TNRC6B: variants seen among roughly 807,000 people sequenced by gnomAD.
TNRC6B encodes the protein trinucleotide repeat containing adaptor 6B.
TNRC6B carries 52 observed loss-of-function variants against 203.6 expected under a neutral mutation model. The ratio of observed to expected loss-of-function variants is 0.26; its 90% CI spans 0.20 to 0.32. The LOEUF (loss-of-function observed/expected upper bound fraction) is 0.32. Among genes scored for constraint, TNRC6B ranks in the 10% least tolerant of loss-of-function variants. The pLI is 1.00. For synonymous variants in TNRC6B, 838 were observed against 845.7 expected (o/e 0.99, Z 0.16); for missense variants, 1,923 against 2,286.2 (o/e 0.84, Z 3.24).
intron 3 of TNRC6B, among the ~76,000 whole-genome samples, chr22:40,137,483 A>G (rs1052111678): frequency 2.6e-5 from 4 of 152,204 alleles, no homozygotes; most frequent in Non-Finnish European, 4.4e-5. Flanking sequence ...ATAGACTTCT[A>G]TAGGTACAGA....
intron 1 of TNRC6B, among the ~76,000 whole-genome samples, chr22:40,221,264 C>G (rs1189612986): frequency 6.6e-6 from 1 of 152,036 alleles, no homozygotes; most frequent in Non-Finnish European, 1.5e-5. Context: ...TAGTACGTAC[C>G]TGGGTTCCTA....
chr22:40,272,230 C>G (rs557377457), intron 6 of TNRC6B, among the ~76,000 whole-genome samples: 1 of 152,314 alleles, frequency 6.6e-6, no homozygotes, highest in African/African-American at 2.4e-5. Flanking sequence ...AACCCTCCCC[C>G]TTGTGCACAG....
intron 1 of TNRC6B, among the ~76,000 whole-genome samples, chr22:40,115,469 T>C (rs981489340): frequency 6.6e-6 from 1 of 152,164 alleles, no homozygotes; most frequent in Non-Finnish European, 1.5e-5. Context: ...TTTTTACCAA[T>C]GCATTTAATT....
At position 40,053,634 on chromosome 22, in the gene TNRC6B, T is replaced by A. The variant is rs528414256; in HGVS notation, c.-121+8636T>A. On this transcript the variant is annotated intron_variant, in intron 1 of 23. Transcript: ENST00000301923. The stretch of plus-strand genomic sequence containing the variant: ...TCTCTCCTGCTGGATTGCAAATTTC[T>A]TAAGTGAGACTATTGTAGTCATCTT... Among the ~76,000 whole-genome samples the A allele has an allele frequency of 7.9e-5, 12 of 152,364 alleles. No individual in the cohort carries two copies. The South Asian group carries it at 2.3e-3, about 29-fold the overall frequency.
intron 1 of TNRC6B, among the ~76,000 whole-genome samples, chr22:40,102,519 T>C (rs2068248728): frequency 6.6e-6 from 1 of 152,256 alleles, no homozygotes; most frequent in Admixed American, 6.5e-5. Flanking sequence ...ATTTTAAATA[T>C]GTGAGAATCA....
rs1019542551 is a variant in TNRC6B, at chr22:40,332,191, T to A, written c.*8950T>A. The A allele has an allele frequency of 2.6e-5, 4 of 152,628 alleles. No individual in the cohort carries two copies. Among genetic ancestry groups the A allele is most frequent in the African/African-American group, 9.6e-5 (4 of 41,452 alleles). The allele number at this position is 152,628 out of a possible 1,614,324, so 9.5% of individuals were successfully genotyped here. On this transcript the variant is annotated 3_prime_UTR_variant, in exon 23 of 23. Coordinates refer to ENST00000454349, the MANE Select transcript of TNRC6B (RefSeq NM_001162501.2). ...TCCTCTCTCCTTTTTAATATTTCTT[T>A]CTTCCTTTTTAATCATGTTTAAGTG...
chr22:40,067,260 C>T (rs748410410), intron 1 of TNRC6B, among the ~76,000 whole-genome samples: 1 of 152,028 alleles, frequency 6.6e-6, no homozygotes, highest in Non-Finnish European at 1.5e-5. Flanking sequence ...ATAATGCCTT[C>T]GTAAGTTTAA....
chr22:40,065,680 T>C (rs2067889342), intron 1 of TNRC6B, among the ~76,000 whole-genome samples: 1 of 152,162 alleles, frequency 6.6e-6, no homozygotes, highest in Non-Finnish European at 1.5e-5. Flanking sequence ...CTGTAAATAT[T>C]ATTGAGCTTT....
At chr22:40,094,172 A>C (rs145067207) in intron 1 of TNRC6B, among the ~76,000 whole-genome samples, 157 of 152,288 alleles carry the variant, frequency 1.0e-3, no homozygotes, top group African/African-American at 3.6e-3. Context: ...TAAGCAGATG[A>C]ATTATATGTA....
rs1037342469 is a variant in TNRC6B, at chr22:40,324,929, C to T, written c.*1688C>T. 4.6e-5 allele frequency: 7 copies of T among 151,654 alleles called. No individual in the cohort carries two copies. The highest frequency in any genetic ancestry group is 1.7e-4 in the African/African-American group (7 of 41,052). 9.4% of individuals were successfully genotyped at this position (151,654 alleles called of 1,614,324 possible). ...CGAACAGGGGTCAACGTTTAATCTA[C>T]AGTTATCACCAACATGTATGTACTT... On this transcript the variant is annotated 3_prime_UTR_variant, in exon 23 of 23. Transcript: ENST00000454349.
At chr22:40,197,316 G>A (rs62236842) in intron 1 of TNRC6B, among the ~76,000 whole-genome samples, 17,005 of 151,808 alleles carry the variant, frequency 0.11, 1,176 homozygotes, top group South Asian at 0.15. Flanking sequence ...GTCTCACACT[G>A]TTGCCCCTCG....
rs994595557 is a variant in TNRC6B, at chr22:40,197,775, T to TA, written c.5+19643dup. 7.9e-5 allele frequency among the ~76,000 whole-genome samples: 12 copies of TA among 151,296 alleles called. No individual in the cohort carries two copies. The South Asian group carries it at 1.0e-3, about 13-fold the overall frequency. On this transcript the variant is annotated intron_variant, in intron 1 of 22. Coordinates refer to ENST00000454349, the MANE Select transcript of TNRC6B (RefSeq NM_001162501.2). The stretch of plus-strand genomic sequence containing the variant: ...GCATGAGCCACCGTGCCTGGCTAAT[T>TA]AAAAAAAACTTCTTTTAACAGAGAC...
chr22:40,232,314 GGATAAT>G (rs1414507552), intron 1 of TNRC6B, among the ~76,000 whole-genome samples: 1 of 152,184 alleles, frequency 6.6e-6, no homozygotes, highest in Non-Finnish European at 1.5e-5. Flanking sequence ...CATGTTTAAG[GGATAAT>G]GATCCCAGTG....
intron 1 of TNRC6B, among the ~76,000 whole-genome samples, chr22:40,237,545 C>T (rs2069964273): frequency 6.6e-6 from 1 of 151,986 alleles, no homozygotes; most frequent in Admixed American, 6.6e-5. Flanking sequence ...GGGTGACTAC[C>T]AAGTAAGCCA....
intron 1 of TNRC6B, chr22:40,106,565 A>G (rs755203669): frequency 3.0e-5 from 22 of 729,818 alleles, no homozygotes; most frequent in Middle Eastern, 3.0e-4. Context: ...TGTCAAAGCA[A>G]TTCGCTTCTT....
chr22:40,146,452 A>G (rs1042930377), intron 3 of TNRC6B, among the ~76,000 whole-genome samples: 14 of 151,848 alleles, frequency 9.2e-5, no homozygotes, highest in Non-Finnish European at 1.9e-4. Flanking sequence ...CTGGAGACCA[A>G]TGGCATGATT....
chr22:40,051,066 A>G (rs559456241), intron 1 of TNRC6B, among the ~76,000 whole-genome samples: 26 of 151,898 alleles, frequency 1.7e-4, no homozygotes, highest in Non-Finnish European at 3.7e-4. Flanking sequence ...CTTGTGATCC[A>G]CCTGCCTCAG....
chr22:40,180,891 A>AC (rs146193685), intron 1 of TNRC6B, among the ~76,000 whole-genome samples: 7,915 of 151,196 alleles, frequency 0.052, 294 homozygotes, highest in South Asian at 0.095. Context: ...ATTAACTGCC[A>AC]CCCCCCCCAC....
At chr22:40,054,823 A>G (rs1461775662) in intron 1 of TNRC6B, among the ~76,000 whole-genome samples, 1 of 151,902 alleles carries the variant, frequency 6.6e-6, no homozygotes, top group Non-Finnish European at 1.5e-5. Context: ...AGGTCACTTG[A>G]GTCCAGGAGT....
Sources: allele counts gnomAD v4.1 joint callset (sites outside exome capture counted in the v4.1 genomes callset), GRCh38; gene constraint gnomAD v4.1.1; transcripts MANE v1.5; gene names NCBI Gene and HGNC (gene_info 2026-07-23, HGNC 2026-07-21).